Variants in MEIOC observed in about 807,000 individuals in gnomAD.
MEIOC encodes the protein meiosis specific with coiled-coil domain, also known as meiosis-specific coiled-coil domain-containing protein MEIOC.
A neutral mutation model predicts 85.3 loss-of-function variants in MEIOC; 9 were observed. That is an observed-to-expected ratio of 0.11 (90% CI 0.06 to 0.18). The LOEUF (loss-of-function observed/expected upper bound fraction) is 0.18. Among genes scored for constraint, MEIOC ranks in the 10% least tolerant of loss-of-function variants. The pLI is 1.00. For missense variants in MEIOC, 898 were observed against 1,129.4 expected (o/e 0.80, Z 2.94); for synonymous variants, 365 against 393.7 (o/e 0.93, Z 0.86).
chr17:44,657,328 T>G, intron 2 of MEIOC, 67 bp downstream of exon 2: 3 of 1,459,018 alleles, frequency 2.1e-6, no homozygotes, highest in Non-Finnish European at 2.8e-6. Context: ...AGCCACCGAT[T>G]CATAGGTGTT....
In MEIOC at chr17:44,668,017, A is replaced by G. The variant is rs78536036; in HGVS notation, c.2106A>G (p.Pro702=). 2.2e-4 allele frequency: 362 copies of G among 1,613,672 alleles called. 4 individuals are homozygous for G. In the East Asian group the frequency reaches 4.3e-3, roughly 19 times the overall value. Reference sequence around the variant, plus strand: ...ACCCATTTGGCCATTCAGTTGTTCCACTGTTGGATTCCTATGACTTACTTT... The same window carrying G: ...ACCCATTTGGCCATTCAGTTGTTCCGCTGTTGGATTCCTATGACTTACTTT... The part of the protein sequence containing the change: ...STHPFGHSVV[P]LLDSYDLLSY... Residue 702 remains proline (P), a synonymous_variant, in exon 5 of 8, where the codon CCA becomes CCG. Coordinates refer to ENST00000409122, the MANE Select transcript of MEIOC (RefSeq NM_001145080.3).
downstream of MEIOC, chr17:44,676,812 C>A (rs1972082210): frequency 3.6e-6 from 1 of 277,708 alleles, no homozygotes; most frequent in Non-Finnish European, 5.5e-6. Context: ...ACAGAGTGAT[C>A]CGTTTCAAAA....
intron 2 of MEIOC, among the ~76,000 whole-genome samples, chr17:44,658,803 A>AAAAAG (rs1971806131): frequency 1.3e-5 from 2 of 151,710 alleles, no homozygotes; most frequent in African/African-American, 4.8e-5. Context: ...AAAAAAAAAA[A>AAAAAG]AAAAAGAAAA....
Position 44,662,400 on chromosome 17 carries a change from C to T in MEIOC, c.288C>T (p.Phe96=), listed in dbSNP as rs201019870. The T allele has an allele frequency of 1.7e-4, 265 of 1,549,514 alleles. 1 individual carries two copies. Among genetic ancestry groups the T allele is most frequent in the Non-Finnish European group, 2.3e-4 (261 of 1,145,268 alleles). The change falls in exon 3 of 8, where the codon TTC becomes TTT. Residue 96 remains phenylalanine, a synonymous_variant. Coordinates refer to ENST00000409122, the MANE Select transcript of MEIOC (RefSeq NM_001145080.3). ...EYSSSVDSSL[F]CAPWSTYGDD... ...CAAGTTCTGTAGATTCTTCACTTTT[C>T]TGTGCACCATGGTCTACTTATGGAG... is the stretch of plus-strand genomic sequence containing the variant.
rs1971754990 is a variant in MEIOC, at chr17:44,656,476, T to C, written c.-138T>C. The C allele has an allele frequency of 1.6e-6, 1 of 633,562 alleles. No homozygotes were observed. The allele number at this position is 633,562 out of a possible 1,614,324, so 39.2% of individuals were successfully genotyped here. On this transcript the variant is annotated 5_prime_UTR_variant, in exon 1 of 8. Coordinates refer to ENST00000409122, the MANE Select transcript of MEIOC (RefSeq NM_001145080.3). ...GGACTTCCCTTACCCGCACACTGGC[T>C]CCAGGCAGCGCCCGGGCGGCGGAGG... is the stretch of plus-strand genomic sequence containing the variant.
At chr17:44,657,354 T>C (rs1338370389) in intron 2 of MEIOC, 93 bp downstream of exon 2, 7 of 1,158,164 alleles carry the variant, frequency 6.0e-6, no homozygotes, top group Non-Finnish European at 8.4e-6. Context: ...GCTCCACAGT[T>C]AAGGAAGAGA....
rs1334120257 is a variant in MEIOC at position 44,673,461 on chromosome 17, C to T, written c.2553C>T (p.His851=). 7 of 1,551,658 alleles carry T rather than the reference C, an allele frequency of 4.5e-6. No homozygotes were observed. Among genetic ancestry groups the T allele is most frequent in the Middle Eastern group, 1.7e-4 (1 of 5,990 alleles). ...TALDRHLESI[H]IVQSRRKDEI... is the part of the protein sequence containing the mutation. ...TTGATAGACACTTGGAGTCTATTCA[C>T]ATTGTACAGTCACGTAGAAAGGATG... is the stretch of plus-strand genomic sequence containing the variant. Residue 851 remains histidine, a synonymous_variant, in exon 7 of 8, where the codon CAC becomes CAT. Coordinates refer to ENST00000409122, the MANE Select transcript of MEIOC (RefSeq NM_001145080.3).
rs1971759333 is a variant in MEIOC at position 44,656,632 on chromosome 17, G to C, written c.19G>C (p.Asp7His). 6.7e-7 allele frequency: 1 copy of C among 1,486,398 alleles called. No homozygotes were observed. Among genetic ancestry groups the C allele is most frequent in the Admixed American group, 2.4e-5 (1 of 42,148 alleles). The allele number at this position is 1,486,398 out of a possible 1,614,324, so 92.1% of individuals were successfully genotyped here. The part of the protein sequence containing the change: MEVRRG[D>H]TCPRPHPSGL... ...GCGCCCCATGGAGGTGAGACGCGGA[G>C]ACACCTGCCCGCGCCCTCACCCCTC... Residue 7 changes from aspartate (D) to histidine (H), a missense_variant, in exon 1 of 8, where the codon GAC becomes CAC. Around this residue, in one of 2 missense-constraint regions of MEIOC, gnomAD observed 734 missense variants for 860.1 expected, o/e 0.85. Transcript: ENST00000409122.
chr17:44,665,836 C>T (rs1971895730), intron 4 of MEIOC, among the ~76,000 whole-genome samples: 1 of 151,888 alleles, frequency 6.6e-6, no homozygotes, highest in Non-Finnish European at 1.5e-5. Flanking sequence ...TGCAGAAATA[C>T]ATATGGATTT....
At chr17:44,671,460 G>A (rs1445363478) in intron 6 of MEIOC, among the ~76,000 whole-genome samples, 2 of 151,838 alleles carry the variant, frequency 1.3e-5, no homozygotes, top group African/African-American at 2.4e-5. Flanking sequence ...TTAGGTGGGA[G>A]GATCACTTGA....
In MEIOC at chr17:44,666,767, G is replaced by C. The variant is rs372645745; in HGVS notation, c.856G>C (p.Asp286His). ...TGATATCATGAAAGAATCAGGAGTTGATATCTACCATTATGGAAGAGACAG... is the reference window on the plus strand; with the variant it reads ...TGATATCATGAAAGAATCAGGAGTTCATATCTACCATTATGGAAGAGACAG... The part of the protein sequence containing the change: ...LSDIMKESGV[D>H]IYHYGRDRIC... Residue 286 changes from aspartate to histidine, a missense_variant, in exon 5 of 8, where the codon GAT becomes CAT. Asp to His is a moderately conservative substitution (Grantham distance 81, BLOSUM62 -1). Transcript: ENST00000409122. The C allele has an allele frequency of 2.0e-5, 32 of 1,613,356 alleles. No individual in the cohort carries two copies. Among genetic ancestry groups the C allele is most frequent in the Non-Finnish European group, 2.5e-5 (30 of 1,179,792 alleles).
intron 2 of MEIOC, among the ~76,000 whole-genome samples, chr17:44,660,931 T>TAA (rs765793524): frequency 5.7e-5 from 8 of 139,838 alleles, no homozygotes; most frequent in African/African-American, 1.6e-4. Context: ...CATTTCTATT[T>TAA]AAAAAAAAAA....
intron 4 of MEIOC, 79 bp downstream of exon 4, chr17:44,665,567 TTTTAC>T (rs1971892648): frequency 1.7e-6 from 1 of 587,438 alleles, no homozygotes. Context: ...TAACTTTTAT[TTTTAC>T]TTAATAGTGG....
intron 5 of MEIOC, 136 bp downstream of exon 5, chr17:44,668,369 T>G: frequency 2.4e-6 from 2 of 833,638 alleles, no homozygotes; most frequent in Non-Finnish European, 3.6e-6. Flanking sequence ...AGAGACAGAG[T>G]CTCGCTCTGT....
At position 44,656,661 on chromosome 17, in the gene MEIOC, C is replaced by A. The variant is rs757607889; in HGVS notation, c.48C>A (p.Gly16=). 1.3e-6 allele frequency: 2 copies of A among 1,492,260 alleles called. No homozygotes were observed. The highest frequency in any genetic ancestry group is 1.8e-6 in the Non-Finnish European group (2 of 1,120,978). The allele number at this position is 1,492,260 out of a possible 1,614,324, so 92.4% of individuals were successfully genotyped here. The change falls in exon 1 of 8, where the codon GGC becomes GGA. Residue 16 remains glycine, a synonymous_variant. Transcript: ENST00000409122. ...GDTCPRPHPS[G]LREEGLEPKV... is the part of the protein sequence containing the mutation. Reference sequence around the variant, plus strand: ...CCTGCCCGCGCCCTCACCCCTCAGGCCTGAGGGAGGAAGGACTTGAGGTAA... The same window carrying A: ...CCTGCCCGCGCCCTCACCCCTCAGGACTGAGGGAGGAAGGACTTGAGGTAA...
rs755701480 is a variant in MEIOC, at chr17:44,667,248, A to C, written c.1337A>C (p.Lys446Thr). The change falls in exon 5 of 8, where the codon AAA becomes ACA. Residue 446 changes from lysine (K) to threonine (T), a missense_variant. Coordinates refer to ENST00000409122, the MANE Select transcript of MEIOC (RefSeq NM_001145080.3). ...GTCACAGAAAAGCAACAGTTTGCTA[A>C]ACCTGATCCCCCACATTCTGAGTAT... ...ANVTEKQQFA[K>T]PDPPHSEYFK... The C allele has an allele frequency of 6.2e-7, 1 of 1,613,726 alleles. No homozygotes were observed. Among genetic ancestry groups the C allele is most frequent in the Non-Finnish European group, 8.5e-7 (1 of 1,179,878 alleles).
Position 44,667,324 on chromosome 17 carries a change from C to T in MEIOC, c.1413C>T (p.Ile471=). ...ACTCAGCAACATCTTCAGGAGGTAT[C>T]AATTTAAACAGACCAACTTGGATGA... The part of the protein sequence containing the change: ...LSNSATSSGG[I]NLNRPTWMNV... Residue 471 remains isoleucine, a synonymous_variant, in exon 5 of 8, where the codon ATC becomes ATT. Transcript: ENST00000409122. The T allele has an allele frequency of 6.2e-7, 1 of 1,613,728 alleles. No homozygotes were observed. The highest frequency in any genetic ancestry group is 8.5e-7 in the Non-Finnish European group (1 of 1,179,770).
intron 7 of MEIOC, 134 bp downstream of exon 7, chr17:44,673,680 C>G (rs1000861270): frequency 1.4e-5 from 11 of 806,940 alleles, no homozygotes; most frequent in Admixed American, 3.1e-5. Context: ...TAAATAATCT[C>G]CACATTATTT....
rs770849971 is a variant in MEIOC at position 44,657,208 on chromosome 17, G to C, written c.151G>C (p.Gly51Arg). 6.9e-5 allele frequency: 107 copies of C among 1,551,858 alleles called. 1 individual carries two copies. The highest frequency in any genetic ancestry group is 5.0e-4 in the South Asian group (42 of 84,062). ...DAGSRLTDVFGSVMLTGSASF... is the reference protein window; with the variant it reads ...DAGSRLTDVFRSVMLTGSASF... ...CGGCAGCAGGTTAACCGACGTCTTC[G>C]GCAGCGTGATGTTGACTGGCTCCGC... Residue 51 changes from glycine to arginine, a missense_variant, in exon 2 of 8, where the codon GGC (glycine) becomes CGC (arginine). Around this residue, in one of 2 missense-constraint regions of MEIOC, gnomAD observed 734 missense variants for 860.1 expected, o/e 0.85. Transcript: ENST00000409122.
Sources: allele counts gnomAD v4.1 joint callset (sites outside exome capture counted in the v4.1 genomes callset), GRCh38; gene constraint gnomAD v4.1.1; regional missense constraint gnomAD v4.1.1; transcripts MANE v1.5; gene names NCBI Gene and HGNC (gene_info 2026-07-23, HGNC 2026-07-21).